Variants in GLIS3 observed in about 807,000 individuals in gnomAD.
GLIS3 encodes GLIS family zinc finger 3.
GLIS3 carries 53 observed loss-of-function variants against 78.6 expected under a neutral mutation model. The ratio of observed to expected loss-of-function variants is 0.67; its 90% CI spans 0.54 to 0.85. The LOEUF (loss-of-function observed/expected upper bound fraction) is 0.85. Among genes scored for constraint, GLIS3 ranks in the 40% least tolerant of loss-of-function variants. GLIS3 has a pLI of 0.00. For missense variants in GLIS3, 1,703 were observed against 1,231.1 expected, an observed-to-expected ratio of 1.38 and a Z score of -5.74; for synonymous variants, 684 against 509.9, an observed-to-expected ratio of 1.34 and a Z score of -4.60.
intron 4 of GLIS3, among the ~76,000 whole-genome samples, chr9:4,024,044 A>T (rs1823105419): frequency 6.6e-6 from 1 of 152,070 alleles, no homozygotes; most frequent in Non-Finnish European, 1.5e-5. Flanking sequence ...ACAAAAAAAA[A>T]AATACAGTGG....
intron 8 of GLIS3, among the ~76,000 whole-genome samples, chr9:3,870,244 T>C (rs1170196582): frequency 6.6e-6 from 1 of 152,148 alleles, no homozygotes; most frequent in Non-Finnish European, 1.5e-5. Context: ...TGTAATCATA[T>C]CAAGTATATT....
intron 2 of GLIS3, among the ~76,000 whole-genome samples, chr9:4,270,732 A>C (rs12350696): frequency 0.4 from 61,531 of 152,122 alleles, 12,716 homozygotes; most frequent in African/African-American, 0.46. Context: ...CTGAGCTAGA[A>C]CATTGGTCTC....
intron 2 of GLIS3, among the ~76,000 whole-genome samples, chr9:4,211,642 A>G (rs1563763233): frequency 6.6e-6 from 1 of 152,196 alleles, no homozygotes; most frequent in Non-Finnish European, 1.5e-5. Context: ...TTAAATTTAA[A>G]TTTACCCAGA....
chr9:3,879,692 G>C (rs1162096736), intron 7 of GLIS3, 97 bp from the exon 8 acceptor site: 1 of 1,339,744 alleles, frequency 7.5e-7, no homozygotes, highest in African/African-American at 1.5e-5. Flanking sequence ...TGAGGGGCTT[G>C]CTTGTTTTTC....
intron 7 of GLIS3, among the ~76,000 whole-genome samples, chr9:3,882,013 C>T (rs1821762277): frequency 6.6e-6 from 1 of 152,218 alleles, no homozygotes; most frequent in Non-Finnish European, 1.5e-5. Context: ...CTACTTACTT[C>T]ATTACATTTG....
At chr9:4,312,453 G>A (rs1444388094) in intron 2 of GLIS3, among the ~76,000 whole-genome samples, 1 of 152,218 alleles carries the variant, frequency 6.6e-6, no homozygotes, top group Non-Finnish European at 1.5e-5. Context: ...GGGTGACAGA[G>A]TGAGACTTTG....
At chr9:4,309,204 T>A (rs1217991458) in intron 3 of GLIS3, among the ~76,000 whole-genome samples, 1 of 152,232 alleles carries the variant, frequency 6.6e-6, no homozygotes, top group East Asian at 1.9e-4. Flanking sequence ...CACTCTCCTG[T>A]CATTCCCTCC....
chr9:4,109,492 G>C (rs1486692030), intron 4 of GLIS3, among the ~76,000 whole-genome samples: 1 of 152,150 alleles, frequency 6.6e-6, no homozygotes, highest in Non-Finnish European at 1.5e-5. Flanking sequence ...AGATAAATGT[G>C]TGTTTCATAT....
intron 4 of GLIS3, among the ~76,000 whole-genome samples, chr9:3,972,936 C>T (rs1016602752): frequency 2.0e-5 from 3 of 152,090 alleles, no homozygotes; most frequent in Non-Finnish European, 2.9e-5. Flanking sequence ...AAGAGTTAAG[C>T]AAACTGCAAA....
At chr9:4,086,277 G>A (rs1829013287) in intron 4 of GLIS3, among the ~76,000 whole-genome samples, 1 of 152,122 alleles carries the variant, frequency 6.6e-6, no homozygotes, top group African/African-American at 2.4e-5. Flanking sequence ...GAAGAATCAT[G>A]ACCTCTATGA....
intron 4 of GLIS3, among the ~76,000 whole-genome samples, chr9:4,084,451 G>A (rs1828844451): frequency 1.3e-5 from 2 of 152,110 alleles, no homozygotes; most frequent in Admixed American, 6.5e-5. Flanking sequence ...GCCTCCAGCA[G>A]GTTCGCGTGG....
chr9:4,077,241 A>C (rs1051136162), intron 4 of GLIS3, among the ~76,000 whole-genome samples: 15 of 152,212 alleles, frequency 9.9e-5, no homozygotes, highest in African/African-American at 3.6e-4. Flanking sequence ...GCAGACAAAA[A>C]TTTATAAAGA....
chr9:4,389,498 T>C, the GLIS3 span, among the ~76,000 whole-genome samples: 1 of 152,216 alleles, frequency 6.6e-6, no homozygotes, highest in Non-Finnish European at 1.5e-5. Context: ...AAGCCCTTGT[T>C]GGTGAAATAT....
At chr9:4,247,589 G>T (rs1013195264) in intron 2 of GLIS3, among the ~76,000 whole-genome samples, 1 of 151,904 alleles carries the variant, frequency 6.6e-6, no homozygotes, top group Admixed American at 6.6e-5. Context: ...TTAAAATCAG[G>T]GACAAGAATG....
intron 2 of GLIS3, among the ~76,000 whole-genome samples, chr9:4,282,825 C>G (rs952342323): frequency 9.9e-5 from 15 of 151,934 alleles, no homozygotes; most frequent in African/African-American, 2.9e-4. Context: ...ATTAATAAAC[C>G]CACAAGAGTC....
intron 2 of GLIS3, among the ~76,000 whole-genome samples, chr9:4,269,933 A>G (rs532850283): frequency 2.6e-5 from 4 of 152,298 alleles, no homozygotes; most frequent in Non-Finnish European, 4.4e-5. Flanking sequence ...TTAAAGATCA[A>G]CTGTCTTTGT....
At chr9:3,915,854 T>G (rs1211956348) in intron 6 of GLIS3, among the ~76,000 whole-genome samples, 1 of 152,214 alleles carries the variant, frequency 6.6e-6, no homozygotes, top group African/African-American at 2.4e-5. Context: ...TACTCTCGCA[T>G]ATATATGCTG....
intron 2 of GLIS3, among the ~76,000 whole-genome samples, chr9:4,146,763 G>A (rs1168682041): frequency 6.6e-6 from 1 of 152,100 alleles, no homozygotes; most frequent in Non-Finnish European, 1.5e-5. Context: ...TGTCTTTAAT[G>A]CAAGAATTAG....
chr9:3,945,132 T>G (rs575779252), intron 4 of GLIS3, among the ~76,000 whole-genome samples: 1 of 152,260 alleles, frequency 6.6e-6, no homozygotes, highest in African/African-American at 2.4e-5. Flanking sequence ...GACCAAACTT[T>G]CAACATATAA....
Sources: gnomAD v4.1 joint callset for allele counts (sites outside exome capture counted in the v4.1 genomes callset) on GRCh38, gnomAD v4.1.1 for gene constraint, MANE v1.5 for transcripts, NCBI Gene and HGNC (gene_info 2026-07-23, HGNC 2026-07-21) for gene names.